FZD7: variants seen among roughly 807,000 people sequenced by gnomAD.
FZD7 encodes frizzled-7.
A neutral mutation model predicts 39.0 loss-of-function variants in FZD7; 21 were observed. That is an observed-to-expected ratio of 0.54 (90% CI 0.38 to 0.78). The LOEUF is 0.78. Among genes scored for constraint, FZD7 ranks in the 30% least tolerant of loss-of-function variants. FZD7 has a pLI of 0.00. For synonymous variants in FZD7, 428 were observed against 364.9 expected, an observed-to-expected ratio of 1.17 and a Z score of -1.97; for missense variants, 695 against 805.0, an observed-to-expected ratio of 0.86 and a Z score of 1.65.
At position 202,034,589 on chromosome 2, in the gene FZD7, C is replaced by T; in HGVS notation, c.-59C>T. ...GCGGCGCCTCCCCGCATCCAAGCCT[C>T]TCCCAACCGCCTCGTCGCACTCCTC... On this transcript the variant is annotated 5_prime_UTR_variant, in exon 1 of 1. Transcript: ENST00000286201. 1.4e-6 allele frequency: 2 copies of T among 1,434,450 alleles called. No homozygotes were observed. 88.9% of individuals were successfully genotyped at this position (1,434,450 alleles called of 1,614,324 possible).
chr2:202,035,068 C>CAGTG lies in FZD7; in HGVS notation c.422_425dup (p.Trp142Ter), dbSNP rs776305663. On this transcript the variant is annotated stop_gained and frameshift_variant, in exon 1 of 1. Transcript: ENST00000286201. LOFTEE classifies it high-confidence loss of function. ...GGCGCTCATGAACAAGTTCGGCTTC[C>CAGTG]AGTGGCCCGAGCGGCTGCGCTGCGA... The CAGTG allele has an allele frequency of 1.2e-6, 2 of 1,612,026 alleles. No individual in the cohort carries two copies. The highest frequency in any genetic ancestry group is 8.5e-7 in the Non-Finnish European group (1 of 1,179,738).
chr2:202,034,692 C>T lies in FZD7; in HGVS notation c.45C>T (p.Leu15=), dbSNP rs1183847553. The change falls in exon 1 of 1, where the codon CTC becomes CTT. Residue 15 remains leucine (L), a synonymous_variant. Transcript: ENST00000286201. ...CCGCTCCGCTTTCGTCCCTGGGCCTCTGTGCCCTGGTGCTGGCGCTGCTGG... is the reference window on the plus strand; with the variant it reads ...CCGCTCCGCTTTCGTCCCTGGGCCTTTGTGCCCTGGTGCTGGCGCTGCTGG... ...GAAAPLSSLG[L]CALVLALLGA... 1.2e-6 allele frequency: 2 copies of T among 1,608,386 alleles called. No homozygotes were observed. Among genetic ancestry groups the T allele is most frequent in the Admixed American group, 3.3e-5 (2 of 59,922 alleles).
rs1427769926 is a variant in FZD7, at chr2:202,034,171, C to T, written c.-477C>T. ...CGAGCGGAGCCTCGAGGCCAGGAGG[C>T]GGGGCAGCACCGCGGAGGCGGCGGC... is the stretch of plus-strand genomic sequence containing the variant. On this transcript the variant is annotated 5_prime_UTR_variant, in exon 1 of 1. Transcript: ENST00000286201. 6.6e-6 allele frequency among the ~76,000 whole-genome samples: 1 copy of T among 150,474 alleles called. No individual in the cohort carries two copies. The highest frequency in any genetic ancestry group is 1.5e-5 in the Non-Finnish European group (1 of 67,594).
chr2:202,036,456 C>T lies in FZD7; in HGVS notation c.*84C>T, dbSNP rs955763827. 2.8e-6 allele frequency: 3 copies of T among 1,069,598 alleles called. No individual in the cohort carries two copies. The highest frequency in any genetic ancestry group is 4.1e-6 in the Non-Finnish European group (3 of 735,996). The allele number at this position is 1,069,598 out of a possible 1,614,324, so 66.3% of individuals were successfully genotyped here. A position where few individuals can be genotyped will look rare whatever the true frequency, so the allele number is the denominator to read the frequency against. On this transcript the variant is annotated 3_prime_UTR_variant, in exon 1 of 1. Transcript: ENST00000286201. ...AGGGAAAAGAACTGCTGGGTGGGGGCCTGTTTCTGTAACTTTCTCCCCCTC... is the reference window on the plus strand; with the variant it reads ...AGGGAAAAGAACTGCTGGGTGGGGGTCTGTTTCTGTAACTTTCTCCCCCTC...
rs375789778 is a variant in FZD7 at position 202,035,484 on chromosome 2, G to A, written c.837G>A (p.Met279Ile). 4.5e-5 allele frequency: 73 copies of A among 1,614,068 alleles called. No individual in the cohort carries two copies. Among genetic ancestry groups the A allele is most frequent in the Non-Finnish European group, 6.0e-5 (71 of 1,180,044 alleles). The change falls in exon 1 of 1, where the codon ATG becomes ATA. Residue 279 changes from methionine to isoleucine, a missense_variant. Transcript: ENST00000286201. The part of the protein sequence containing the change: ...LFTVLTYLVD[M>I]RRFSYPERPI... ...CCGTTCTCACCTACCTGGTGGACAT[G>A]CGGCGCTTCAGCTACCCAGAGCGGC...
rs761079277 is a variant in FZD7 at position 202,035,578 on chromosome 2, G to A, written c.931G>A (p.Asp311Asn). ...VAHVAGFLLE[D>N]RAVCVERFSD... ...GCACGTGGCCGGCTTCCTTCTAGAG[G>A]ACCGCGCCGTGTGCGTGGAGCGCTT... The change falls in exon 1 of 1, where the codon GAC becomes AAC. Residue 311 changes from aspartate (D) to asparagine (N), a missense_variant. Transcript: ENST00000286201. The A allele has an allele frequency of 1.2e-6, 2 of 1,613,912 alleles. No homozygotes were observed. The highest frequency in any genetic ancestry group is 1.7e-6 in the Non-Finnish European group (2 of 1,180,022).
At position 202,034,441 on chromosome 2, in the gene FZD7, G is replaced by A. The variant is rs561542729; in HGVS notation, c.-207G>A. ...AGTTTTGGGCCCCCGGCGGCCCTGC[G>A]AGTGCAGGGCGGCGGCGTCTGCGGC... is the stretch of plus-strand genomic sequence containing the variant. On this transcript the variant is annotated 5_prime_UTR_variant, in exon 1 of 1. Coordinates refer to ENST00000286201, the MANE Select transcript of FZD7 (RefSeq NM_003507.2). The A allele has an allele frequency of 6.3e-6, 2 of 317,118 alleles. No individual in the cohort carries two copies. Among genetic ancestry groups the A allele is most frequent in the Middle Eastern group, 8.7e-4 (1 of 1,156 alleles). The allele number at this position is 317,118 out of a possible 1,614,324, so 19.6% of individuals were successfully genotyped here. A position where few individuals can be genotyped will look rare whatever the true frequency, so the allele number is the denominator to read the frequency against.
rs1241541612 is a variant in FZD7, at chr2:202,034,532, G to T, written c.-116G>T. 3.4e-6 allele frequency: 3 copies of T among 872,164 alleles called. No individual in the cohort carries two copies. Among genetic ancestry groups the T allele is most frequent in the Admixed American group, 3.3e-5 (1 of 30,234 alleles). 54.0% of individuals were successfully genotyped at this position (872,164 alleles called of 1,614,324 possible). On this transcript the variant is annotated 5_prime_UTR_variant, in exon 1 of 1. Transcript: ENST00000286201. ...TCCACGCCGCCCACGGCCCGGCCCC[G>T]GCGCCGTGAGGACTCTCATGCGTCG...
Position 202,034,752 on chromosome 2 carries a change from C to G in FZD7, c.105C>G (p.Tyr35Ter). 6.2e-7 allele frequency: 1 copy of G among 1,612,480 alleles called. No homozygotes were observed. The highest frequency in any genetic ancestry group is 8.5e-7 in the Non-Finnish European group (1 of 1,179,938). Reference sequence around the variant, plus strand: ...CCGCGGGCGCCGGGGCGCAGCCGTACCACGGAGAGAAGGGCATCTCCGTGC... The same window carrying G: ...CCGCGGGCGCCGGGGCGCAGCCGTAGCACGGAGAGAAGGGCATCTCCGTGC... ...ALSAGAGAQP[Y>*]HGEKGISVPD... The change falls in exon 1 of 1, where the codon TAC (tyrosine) becomes TAG (stop). Residue 35 changes from tyrosine (Y) to a stop codon, truncating the protein, a stop_gained. Transcript: ENST00000286201. LOFTEE classifies it high-confidence loss of function.
rs1559184457 is a variant in FZD7, at chr2:202,035,452, C to T, written c.805C>T (p.Leu269Phe). 1 of 1,614,112 alleles carries T rather than the reference C, an allele frequency of 6.2e-7. No individual in the cohort carries two copies. The highest frequency in any genetic ancestry group is 1.6e-4 in the Middle Eastern group (1 of 6,062). Reference protein sequence around the residue: ...VWSVLCCASTLFTVLTYLVDM... With the variant: ...VWSVLCCASTFFTVLTYLVDM... ...GTCCGTGCTGTGCTGCGCCTCGACG[C>T]TCTTTACCGTTCTCACCTACCTGGT... The change falls in exon 1 of 1, where the codon CTC becomes TTC. Residue 269 changes from leucine (L) to phenylalanine (F), a missense_variant. Transcript: ENST00000286201.
rs2105893933 is a variant in FZD7 at position 202,034,380 on chromosome 2, G to A, written c.-268G>A. On this transcript the variant is annotated 5_prime_UTR_variant, in exon 1 of 1. Coordinates refer to ENST00000286201, the MANE Select transcript of FZD7 (RefSeq NM_003507.2). ...CGTTACGTCCCCGCGGGGAGAGCGA[G>A]GCGGCCCTCCTCGGCGCCCCCAACC... Among the ~76,000 whole-genome samples the A allele has an allele frequency of 6.6e-6, 1 of 151,836 alleles. No individual in the cohort carries two copies.
At position 202,034,493 on chromosome 2, in the gene FZD7, G is replaced by A. The variant is rs1006997314; in HGVS notation, c.-155G>A. 1 of 480,494 alleles carries A rather than the reference G, an allele frequency of 2.1e-6. No individual in the cohort carries two copies. Among genetic ancestry groups the A allele is most frequent in the South Asian group, 9.7e-5 (1 of 10,334 alleles). The allele number at this position is 480,494 out of a possible 1,614,324, so 29.8% of individuals were successfully genotyped here. A position where few individuals can be genotyped will look rare whatever the true frequency, so the allele number is the denominator to read the frequency against. ...CCTTCGCGGCGCGGGCACCCAGGCG[G>A]CAGCGCCCTTTGCTCCACGCCGCCC... On this transcript the variant is annotated 5_prime_UTR_variant, in exon 1 of 1. Coordinates refer to ENST00000286201, the MANE Select transcript of FZD7 (RefSeq NM_003507.2).
Position 202,037,702 on chromosome 2 carries a change from G to A in FZD7, c.*1330G>A, listed in dbSNP as rs1260746300. On this transcript the variant is annotated 3_prime_UTR_variant, in exon 1 of 1. Coordinates refer to ENST00000286201, the MANE Select transcript of FZD7 (RefSeq NM_003507.2). ...AAGAGCCATTTTGTCCTGTTTTCTT[G>A]GTTCCATCAATCTGTTTATTAAACA... 6.0e-6 allele frequency: 1 copy of A among 166,374 alleles called. No homozygotes were observed. Among genetic ancestry groups the A allele is most frequent in the Non-Finnish European group, 1.5e-5 (1 of 68,012 alleles). 10.3% of individuals were successfully genotyped at this position (166,374 alleles called of 1,614,324 possible).
In FZD7 at chr2:202,034,660, G is replaced by A; in HGVS notation, c.13G>A (p.Gly5Ser). The A allele has an allele frequency of 6.4e-7, 1 of 1,566,950 alleles. No individual in the cohort carries two copies. The highest frequency in any genetic ancestry group is 8.6e-7 in the Non-Finnish European group (1 of 1,165,076). The change falls in exon 1 of 1, where the codon GGC becomes AGC. Residue 5 changes from glycine (G) to serine (S), a missense_variant. Gly to Ser is a moderately conservative substitution (Grantham distance 56, BLOSUM62 0). Transcript: ENST00000286201. MRDPGAAAPLSSLGL... is the reference protein window; with the variant it reads MRDPSAAAPLSSLGL... The stretch of plus-strand genomic sequence containing the variant: ...CTCGCGGCCGGCGATGCGGGACCCC[G>A]GCGCGGCCGCTCCGCTTTCGTCCCT...
In FZD7 at chr2:202,034,585, G is replaced by A; in HGVS notation, c.-63G>A. The A allele has an allele frequency of 2.1e-6, 3 of 1,397,110 alleles. No homozygotes were observed. Among genetic ancestry groups the A allele is most frequent in the Non-Finnish European group, 2.8e-6 (3 of 1,052,862 alleles). The allele number at this position is 1,397,110 out of a possible 1,614,324, so 86.5% of individuals were successfully genotyped here. The stretch of plus-strand genomic sequence containing the variant: ...CGCGGCGGCGCCTCCCCGCATCCAA[G>A]CCTCTCCCAACCGCCTCGTCGCACT... On this transcript the variant is annotated 5_prime_UTR_variant, in exon 1 of 1. Coordinates refer to ENST00000286201, the MANE Select transcript of FZD7 (RefSeq NM_003507.2).
In FZD7 at chr2:202,035,228, C is replaced by A; in HGVS notation, c.581C>A (p.Pro194His). 3 of 1,600,548 alleles carry A rather than the reference C, an allele frequency of 1.9e-6. No homozygotes were observed. The highest frequency in any genetic ancestry group is 1.7e-6 in the Non-Finnish European group (2 of 1,179,242). ...CCGGACCTGCCCTTCACCGCGCTGC[C>A]CCCGGGGGCCTCAGATGGCAGGGGG... ...YLPDLPFTAL[P>H]PGASDGRGRP... The change falls in exon 1 of 1, where the codon CCC (proline) becomes CAC (histidine). Residue 194 changes from proline (P) to histidine (H), a missense_variant. Pro to His is a moderately conservative substitution (Grantham distance 77). Transcript: ENST00000286201.
At position 202,035,689 on chromosome 2, in the gene FZD7, A is replaced by G; in HGVS notation, c.1042A>G (p.Met348Val). The change falls in exon 1 of 1, where the codon ATG becomes GTG. Residue 348 changes from methionine (M) to valine (V), a missense_variant. By Grantham distance (21) the Met-to-Val change is conservative. Coordinates refer to ENST00000286201, the MANE Select transcript of FZD7 (RefSeq NM_003507.2). The stretch of plus-strand genomic sequence containing the variant: ...CTTCATGGTGCTCTACTTCTTCGGC[A>G]TGGCCAGCTCCATCTGGTGGGTCAT... ...ILFMVLYFFG[M>V]ASSIWWVILS... The G allele has an allele frequency of 6.2e-7, 1 of 1,614,022 alleles. No homozygotes were observed. The highest frequency in any genetic ancestry group is 8.5e-7 in the Non-Finnish European group (1 of 1,180,038).
chr2:202,035,776 A>C lies in FZD7; in HGVS notation c.1129A>C (p.Asn377His), dbSNP rs1340237363. The change falls in exon 1 of 1, where the codon AAC (asparagine) becomes CAC (histidine). Residue 377 changes from asparagine (N) to histidine (H), a missense_variant. Physicochemically the swap from Asn to His is moderately conservative, Grantham distance 68. Transcript: ENST00000286201. ...GTGGGGCCACGAGGCCATCGAGGCC[A>C]ACTCGCAGTACTTCCACCTGGCCGC... Reference protein sequence around the residue: ...MKWGHEAIEANSQYFHLAAWA... With the variant: ...MKWGHEAIEAHSQYFHLAAWA... 2 of 1,614,136 alleles carry C rather than the reference A, an allele frequency of 1.2e-6. No homozygotes were observed. Among genetic ancestry groups the C allele is most frequent in the South Asian group, 1.1e-5 (1 of 91,076 alleles).
Position 202,034,722 on chromosome 2 carries a change from A to G in FZD7, c.75A>G (p.Ala25=). ...LCALVLALLG[A]LSAGAGAQPY... ...CCCTGGTGCTGGCGCTGCTGGGCGC[A>G]CTGTCCGCGGGCGCCGGGGCGCAGC... Residue 25 remains alanine, a synonymous_variant, in exon 1 of 1, where the codon GCA becomes GCG. Coordinates refer to ENST00000286201, the MANE Select transcript of FZD7 (RefSeq NM_003507.2). The G allele has an allele frequency of 6.2e-7, 1 of 1,611,122 alleles. No homozygotes were observed. The highest frequency in any genetic ancestry group is 8.5e-7 in the Non-Finnish European group (1 of 1,179,652).
Sources: allele counts gnomAD v4.1 joint callset (sites outside exome capture counted in the v4.1 genomes callset), GRCh38; gene constraint gnomAD v4.1.1; transcripts MANE v1.5; gene names NCBI Gene and HGNC (gene_info 2026-07-23, HGNC 2026-07-21).